Variants in MGAM2 observed in about 807,000 individuals in gnomAD.
MGAM2 encodes probable maltase-glucoamylase 2.
MGAM2 carries 98 observed loss-of-function variants against 96.1 expected under a neutral mutation model. The ratio of observed to expected loss-of-function variants is 1.02; its 90% CI spans 0.87 to 1.21. MGAM2 has a LOEUF of 1.21. Ranked by LOEUF, MGAM2 falls within the 50% of genes most tolerant of loss-of-function variation. MGAM2 has a pLI of 0.00. For missense variants in MGAM2, 2,055 were observed against 1,182.4 expected (o/e 1.74, Z -10.82); for synonymous variants, 749 against 414.8 (o/e 1.81, Z -9.79).
intron 46 of MGAM2, among the ~76,000 whole-genome samples, chr7:142,217,811 T>G (rs529203236): frequency 1.3e-5 from 2 of 152,256 alleles, no homozygotes; most frequent in African/African-American, 4.8e-5. Flanking sequence ...TGTGGCTAGG[T>G]GTGGTGGCTC....
At chr7:142,219,743 G>A (rs1218379446) in intron 47 of MGAM2, 127 bp from the exon 48 acceptor site, 1 of 603,980 alleles carries the variant, frequency 1.7e-6, no homozygotes, top group African/African-American at 1.9e-5. Flanking sequence ...AAAAAGGAAT[G>A]TTTATATCCT....
At chr7:142,154,930 A>G in intron 17 of MGAM2, 85 bp downstream of exon 17, 1 of 673,408 alleles carries the variant, frequency 1.5e-6, no homozygotes, top group Non-Finnish European at 2.7e-6. Context: ...AAATAGTACT[A>G]CAGGTTGGCA....
intron 7 of MGAM2, among the ~76,000 whole-genome samples, chr7:142,134,653 C>T (rs1795002818): frequency 6.6e-6 from 1 of 152,014 alleles, no homozygotes; most frequent in South Asian, 2.1e-4. Flanking sequence ...ATAGCCCAGA[C>T]CCACTGGATC....
intron 32 of MGAM2, among the ~76,000 whole-genome samples, chr7:142,180,979 T>G (rs1259053088): frequency 6.6e-6 from 1 of 152,208 alleles, no homozygotes; most frequent in Non-Finnish European, 1.5e-5. Context: ...AGTTTCAACA[T>G]TCTCCTGAAT....
intron 44 of MGAM2, 49 bp from the exon 45 acceptor site, chr7:142,199,831 T>C (rs755403835): frequency 1.5e-6 from 1 of 653,190 alleles, no homozygotes. Context: ...TCTTTATTCT[T>C]ACAACCTACA....
At chr7:142,179,906 T>C (rs542700524) in intron 32 of MGAM2, among the ~76,000 whole-genome samples, 1 of 152,250 alleles carries the variant, frequency 6.6e-6, no homozygotes, top group East Asian at 1.9e-4. Context: ...CCTCCTCAAG[T>C]CTTTTGGAAT....
intron 2 of MGAM2, among the ~76,000 whole-genome samples, chr7:142,119,087 C>A (rs765355589): frequency 6.6e-6 from 1 of 152,242 alleles, no homozygotes; most frequent in Admixed American, 6.5e-5. Context: ...AGGGAACATA[C>A]CTGCAGATGA....
chr7:142,189,683 T>G (rs1796809122), intron 37 of MGAM2, among the ~76,000 whole-genome samples, 178 bp downstream of exon 37: 1 of 152,272 alleles, frequency 6.6e-6, no homozygotes, highest in Admixed American at 6.5e-5. Flanking sequence ...GGTTACTAAA[T>G]TCACCTATTT....
rs191963230 is a variant in MGAM2, at chr7:142,135,969, T to C, written c.748-572T>C. Among the ~76,000 whole-genome samples the C allele has an allele frequency of 5.9e-5, 9 of 152,286 alleles. No individual in the cohort carries two copies. The South Asian group carries it at 1.2e-3, about 21-fold the overall frequency. On this transcript the variant is annotated intron_variant, in intron 7 of 47. Coordinates refer to ENST00000477922, the MANE Select transcript of MGAM2 (RefSeq NM_001293626.2). ...ATTTTGGTATACATCATAGCAAATATGTTTACAAAATAACTTGATTGAGTT... is the reference window on the plus strand; with the variant it reads ...ATTTTGGTATACATCATAGCAAATACGTTTACAAAATAACTTGATTGAGTT...
At chr7:142,157,780 A>C (rs190896703) in intron 17 of MGAM2, among the ~76,000 whole-genome samples, 157 bp from the exon 18 acceptor site, 26 of 152,334 alleles carry the variant, frequency 1.7e-4, no homozygotes, top group African/African-American at 6.0e-4. Context: ...CATGTATAAA[A>C]TGAAGGAGTA....
chr7:142,217,600 T>C (rs1339333800), intron 46 of MGAM2, among the ~76,000 whole-genome samples: 1 of 151,832 alleles, frequency 6.6e-6, no homozygotes, highest in Non-Finnish European at 1.5e-5. Context: ...AGAGTAGAAT[T>C]ATAGTAACCA....
chr7:142,146,320 T>G (rs1166653763), intron 14 of MGAM2, among the ~76,000 whole-genome samples: 1 of 152,032 alleles, frequency 6.6e-6, no homozygotes, highest in Non-Finnish European at 1.5e-5. Context: ...CAGGATTGCA[T>G]AGTGCACATT....
chr7:142,208,603 C>T lies in MGAM2; in HGVS notation c.5168C>T (p.Ala1723Val), dbSNP rs1469815234. 5.7e-6 allele frequency: 4 copies of T among 702,748 alleles called. No individual in the cohort carries two copies. Among genetic ancestry groups the T allele is most frequent in the South Asian group, 4.4e-5 (3 of 67,558 alleles). The allele number at this position is 702,748 out of a possible 1,614,324, so 43.5% of individuals were successfully genotyped here. Residue 1723 changes from alanine (A) to valine (V), a missense_variant, in exon 46 of 48, where the codon GCA becomes GTA. Transcript: ENST00000477922. ...DTYENGNYFLANFIAAQNILQ... is the reference protein window; with the variant it reads ...DTYENGNYFLVNFIAAQNILQ... ...TATGAAAATGGAAATTATTTTTTGG[C>T]AAACTTTATAGCAGCTCAGGTAAGA...
At chr7:142,174,717 T>C (rs796983366) in intron 31 of MGAM2, among the ~76,000 whole-genome samples, 25 of 113,160 alleles carry the variant, frequency 2.2e-4, no homozygotes, top group Non-Finnish European at 2.9e-4. Context: ...CTCTCTCTCT[T>C]TTTTTTTTTT....
intron 3 of MGAM2, among the ~76,000 whole-genome samples, chr7:142,126,658 A>C (rs897231966): frequency 3.3e-5 from 5 of 152,178 alleles, no homozygotes; most frequent in Non-Finnish European, 5.9e-5. Flanking sequence ...GTTATGAATA[A>C]GTTTTCTCAT....
intron 32 of MGAM2, among the ~76,000 whole-genome samples, chr7:142,178,638 G>T (rs538551239): frequency 1.3e-5 from 2 of 152,110 alleles, no homozygotes; most frequent in Non-Finnish European, 2.9e-5. Context: ...ATTTTTGTCA[G>T]TTTTTCTGAA....
At chr7:142,118,533 G>T (rs1158202175) in intron 2 of MGAM2, among the ~76,000 whole-genome samples, 2 of 152,118 alleles carry the variant, frequency 1.3e-5, no homozygotes, top group Non-Finnish European at 2.9e-5. Context: ...GATTTTAGAT[G>T]GTTCATGGAG....
chr7:142,167,379 A>C lies in MGAM2; in HGVS notation c.2920A>C (p.Met974Leu). 1.4e-6 allele frequency: 1 copy of C among 702,856 alleles called. No homozygotes were observed. Among genetic ancestry groups the C allele is most frequent in the Non-Finnish European group, 2.6e-6 (1 of 384,972 alleles). 43.5% of individuals were successfully genotyped at this position (702,856 alleles called of 1,614,324 possible). A position where few individuals can be genotyped will look rare whatever the true frequency, so the allele number is the denominator to read the frequency against. ...TSITADLSLP[M>L]APESAAAAAS... ...CATCACTGCAGACCTTTCCCTCCCG[A>C]TGGCCCCTGAGTCAGCTGCTGCTGC... The change falls in exon 26 of 48, where the codon ATG becomes CTG. Residue 974 changes from methionine (M) to leucine (L), a missense_variant. Met to Leu is a conservative substitution (Grantham distance 15). Transcript: ENST00000477922.
chr7:142,135,890 C>T (rs924611008), intron 7 of MGAM2, among the ~76,000 whole-genome samples: 2 of 152,032 alleles, frequency 1.3e-5, no homozygotes, highest in Non-Finnish European at 2.9e-5. Flanking sequence ...TTAGAAAATA[C>T]AACTAGGTGT....
Sources: gnomAD v4.1 joint callset for allele counts (sites outside exome capture counted in the v4.1 genomes callset) on GRCh38, gnomAD v4.1.1 for gene constraint, MANE v1.5 for transcripts, NCBI Gene and HGNC (gene_info 2026-07-23, HGNC 2026-07-21) for gene names.